Variants in PIK3C2G observed in about 807,000 individuals in gnomAD.
The protein encoded by PIK3C2G is phosphatidylinositol 3-kinase C2 domain-containing subunit gamma.
PIK3C2G carries 168 observed loss-of-function variants against 181.1 expected under a neutral mutation model. That is an observed-to-expected ratio of 0.93 (90% CI 0.82 to 1.05). The LOEUF is 1.05. Ranked by LOEUF, PIK3C2G falls within the 50% of genes least tolerant of loss-of-function variation. The pLI is 0.00. For synonymous variants in PIK3C2G, 573 were observed against 592.2 expected, an observed-to-expected ratio of 0.97 and a Z score of 0.47; for missense variants, 1,869 against 1,732.8, an observed-to-expected ratio of 1.08 and a Z score of -1.40.
chr12:18,630,075 A>G (rs927613368), intron 31 of PIK3C2G, among the ~76,000 whole-genome samples: 2 of 152,042 alleles, frequency 1.3e-5, no homozygotes, highest in African/African-American at 4.8e-5. Context: ...CTATAAAAGA[A>G]AGGAACATTA....
intron 15 of PIK3C2G, 23 bp from the exon 16 acceptor site, chr12:18,399,636 C>T (rs749119764): frequency 6.1e-6 from 9 of 1,477,054 alleles, no homozygotes; most frequent in Admixed American, 1.8e-5. Context: ...CAGTAAATTA[C>T]AGTTTCCAAT....
intron 30 of PIK3C2G, among the ~76,000 whole-genome samples, chr12:18,601,308 A>G (rs1188300603): frequency 6.6e-6 from 1 of 151,962 alleles, no homozygotes; most frequent in Admixed American, 6.6e-5. Flanking sequence ...AAATCCTGTC[A>G]TTTGTGGTAA....
chr12:18,508,673 C>G (rs1430271752), intron 24 of PIK3C2G, among the ~76,000 whole-genome samples: 9 of 152,068 alleles, frequency 5.9e-5, no homozygotes, highest in African/African-American at 2.2e-4. Flanking sequence ...TGTGAAAAAT[C>G]AGACCTTAGC....
chr12:18,657,248 G>A, the PIK3C2G span, among the ~76,000 whole-genome samples: 2 of 152,148 alleles, frequency 1.3e-5, no homozygotes, highest in African/African-American at 4.8e-5. Context: ...AAACCTGGGG[G>A]CGAAAGACTG....
At chr12:18,720,089 A>G in the PIK3C2G span, among the ~76,000 whole-genome samples, 4 of 152,066 alleles carry the variant, frequency 2.6e-5, no homozygotes, top group Admixed American at 2.6e-4. Context: ...GTTGCACTTT[A>G]TATGAATTGA....
intron 18 of PIK3C2G, among the ~76,000 whole-genome samples, chr12:18,469,705 T>A (rs1437664786): frequency 6.6e-6 from 1 of 151,932 alleles, no homozygotes; most frequent in Non-Finnish European, 1.5e-5. Context: ...TCTTATATTA[T>A]CTTTTGATAT....
chr12:18,436,437 T>C (rs1359294732), intron 18 of PIK3C2G, among the ~76,000 whole-genome samples: 1 of 152,066 alleles, frequency 6.6e-6, no homozygotes, highest in Non-Finnish European at 1.5e-5. Flanking sequence ...TCTAAGGTTT[T>C]TGATATCTGA....
At chr12:18,672,767 C>A in the PIK3C2G span, among the ~76,000 whole-genome samples, 1 of 152,150 alleles carries the variant, frequency 6.6e-6, no homozygotes, top group African/African-American at 2.4e-5. Context: ...TCCCTTCAAC[C>A]TCCTGGTAGG....
chr12:18,288,053 T>C (rs561956330), intron 3 of PIK3C2G, among the ~76,000 whole-genome samples: 5 of 151,880 alleles, frequency 3.3e-5, no homozygotes, highest in Admixed American at 3.3e-4. Context: ...TCCCAGCTAC[T>C]CGGGAGGCTG....
intron 29 of PIK3C2G, among the ~76,000 whole-genome samples, chr12:18,567,641 A>G (rs1025264992): frequency 6.6e-6 from 1 of 151,840 alleles, no homozygotes; most frequent in Non-Finnish European, 1.5e-5. Flanking sequence ...TTCAAGGAGA[A>G]GAGGGCATCT....
At chr12:18,538,112 C>A (rs367962883) in intron 24 of PIK3C2G, 44 bp from the exon 25 acceptor site, 1 of 1,559,806 alleles carries the variant, frequency 6.4e-7, no homozygotes, top group South Asian at 1.2e-5. Context: ...CCTGACAAAC[C>A]ATTTCTCTTC....
the PIK3C2G span, among the ~76,000 whole-genome samples, chr12:18,677,039 T>C: frequency 6.6e-6 from 1 of 152,206 alleles, no homozygotes; most frequent in African/African-American, 2.4e-5. Flanking sequence ...TAAAGATGAA[T>C]GAGAGTGATT....
chr12:18,620,654 C>G (rs1948819830), intron 31 of PIK3C2G, among the ~76,000 whole-genome samples: 1 of 151,974 alleles, frequency 6.6e-6, no homozygotes, highest in South Asian at 2.1e-4. Flanking sequence ...TTAAACTTTC[C>G]CAAGTGCTAT....
the PIK3C2G span, among the ~76,000 whole-genome samples, chr12:18,712,312 A>G: frequency 1.3e-5 from 2 of 152,164 alleles, no homozygotes; most frequent in Admixed American, 6.6e-5. Context: ...AGTAGGATTC[A>G]TAAACTGAGC....
intron 5 of PIK3C2G, among the ~76,000 whole-genome samples, chr12:18,306,376 C>T (rs572494519): frequency 6.6e-6 from 1 of 152,138 alleles, no homozygotes; most frequent in South Asian, 2.1e-4. Context: ...AGGATTGAAC[C>T]TATTCTTGTC....
At chr12:18,614,457 G>A (rs1948499066) in intron 31 of PIK3C2G, among the ~76,000 whole-genome samples, 1 of 151,944 alleles carries the variant, frequency 6.6e-6, no homozygotes, top group Non-Finnish European at 1.5e-5. Context: ...TGAACATTTT[G>A]TTACCAGCTT....
chr12:18,505,814 T>C (rs1941791860), intron 24 of PIK3C2G, among the ~76,000 whole-genome samples: 1 of 152,206 alleles, frequency 6.6e-6, no homozygotes, highest in Non-Finnish European at 1.5e-5. Context: ...ATATTGCTCA[T>C]AGCAAATCAT....
intron 18 of PIK3C2G, among the ~76,000 whole-genome samples, chr12:18,460,589 A>C (rs2135934433): frequency 6.8e-6 from 1 of 147,394 alleles, no homozygotes; most frequent in South Asian, 2.1e-4. Flanking sequence ...ATAAATAAAT[A>C]AATAAATATA....
At chr12:18,277,037 A>T (rs1230336065) in intron 1 of PIK3C2G, among the ~76,000 whole-genome samples, 1 of 152,196 alleles carries the variant, frequency 6.6e-6, no homozygotes, top group Non-Finnish European at 1.5e-5. Flanking sequence ...TCTTGTCTTC[A>T]CTTAAATAAA....
Sources: allele counts gnomAD v4.1 joint callset (sites outside exome capture counted in the v4.1 genomes callset), GRCh38; gene constraint gnomAD v4.1.1; transcripts MANE v1.5; gene names NCBI Gene and HGNC (gene_info 2026-07-23, HGNC 2026-07-21).